The following SPTLC3 variants were observed in gnomAD, a reference collection of about 807,000 sequenced individuals.
The protein encoded by SPTLC3 is serine palmitoyltransferase 3.
In SPTLC3, 36 loss-of-function variants were observed where a neutral mutation model predicts 59.3. The observed-to-expected ratio is 0.61, with a 90% CI of 0.47 to 0.80. The LOEUF is 0.80. Among genes scored for constraint, SPTLC3 ranks in the 30% least tolerant of loss-of-function variants. The pLI, the probability that SPTLC3 is intolerant of heterozygous loss-of-function variation, is 0.00. For missense variants in SPTLC3, 625 were observed against 685.1 expected, an observed-to-expected ratio of 0.91 and a Z score of 0.98; for synonymous variants, 257 against 240.8, an observed-to-expected ratio of 1.07 and a Z score of -0.62.
chr20:13,020,567 C>T (rs1033934269), intron 1 of SPTLC3, among the ~76,000 whole-genome samples: 4 of 152,112 alleles, frequency 2.6e-5, no homozygotes, highest in South Asian at 2.1e-4. Context: ...CATTTTATTA[C>T]ATAATATATT....
At chr20:13,026,194 T>A (rs1362333848) in intron 1 of SPTLC3, among the ~76,000 whole-genome samples, 1 of 152,216 alleles carries the variant, frequency 6.6e-6, no homozygotes, top group Non-Finnish European at 1.5e-5. Context: ...AACATATATG[T>A]GCATGTTTCT....
Position 13,023,448 on chromosome 20 carries a change from T to A in SPTLC3, c.117+14064T>A, listed in dbSNP as rs117776055. On this transcript the variant is annotated intron_variant, in intron 1 of 11. Transcript: ENST00000399002. ...TCTAGTACCTAGACCAGAGCCTATA[T>A]GTAATAGGAGCTGAAAAATATTTAT... Among the ~76,000 whole-genome samples, 799 of 152,292 alleles carry A rather than the reference T, an allele frequency of 5.2e-3. 2 individuals carry two copies. Among genetic ancestry groups the A allele is most frequent in the Non-Finnish European group, 9.0e-3 (610 of 68,016 alleles).
At chr20:13,009,496 A>G in intron 1 of SPTLC3, 112 bp downstream of exon 1, 1 of 964,648 alleles carries the variant, frequency 1.0e-6, no homozygotes, top group Non-Finnish European at 1.6e-6. Context: ...AAGGGTTTTT[A>G]CATGTTTTGA....
chr20:13,077,935 C>A (rs770175486), intron 4 of SPTLC3, among the ~76,000 whole-genome samples: 24 of 151,854 alleles, frequency 1.6e-4, no homozygotes, highest in Non-Finnish European at 2.5e-4. Flanking sequence ...GAGGAGCCAC[C>A]AGCCCAAGCC....
intron 9 of SPTLC3, among the ~76,000 whole-genome samples, chr20:13,149,174 A>G (rs1421796835): frequency 6.6e-6 from 1 of 152,204 alleles, no homozygotes; most frequent in Non-Finnish European, 1.5e-5. Context: ...TCACTTATTT[A>G]TGTGAGTAGG....
chr20:13,076,309 C>A (rs564682839), intron 4 of SPTLC3, among the ~76,000 whole-genome samples: 1 of 152,232 alleles, frequency 6.6e-6, no homozygotes, highest in African/African-American at 2.4e-5. Context: ...TTCTGAAAGC[C>A]ATTTATTCTA....
chr20:13,121,027 A>T (rs1292779698), intron 8 of SPTLC3, among the ~76,000 whole-genome samples: 2 of 152,234 alleles, frequency 1.3e-5, no homozygotes, highest in Non-Finnish European at 2.9e-5. Context: ...CTTTGAAGGA[A>T]AGCCTAAGCT....
rs557136906 is a variant in SPTLC3, at chr20:13,169,085, A to G, written c.*4218A>G. 2.6e-5 allele frequency: 4 copies of G among 152,306 alleles called. No homozygotes were observed. The East Asian group carries it at 7.7e-4, about 29-fold the overall frequency. 9.4% of individuals were successfully genotyped at this position (152,306 alleles called of 1,614,324 possible). ...GTAAAATGTTAGTTTTAAAATAAATAAAAATAATATGAAAATAATTGATGG... is the reference window on the plus strand; with the variant it reads ...GTAAAATGTTAGTTTTAAAATAAATGAAAATAATATGAAAATAATTGATGG... On this transcript the variant is annotated 3_prime_UTR_variant, in exon 12 of 12. Transcript: ENST00000399002.
At chr20:13,086,628 T>C (rs1989012927) in intron 4 of SPTLC3, among the ~76,000 whole-genome samples, 1 of 152,190 alleles carries the variant, frequency 6.6e-6, no homozygotes, top group African/African-American at 2.4e-5. Context: ...CATCTGGTCA[T>C]AGAAATTGGT....
In SPTLC3 at chr20:13,154,079, C is replaced by A; in HGVS notation, c.1356C>A (p.Ile452=). The change falls in exon 10 of 12, where the codon ATC becomes ATA. Residue 452 remains isoleucine, a synonymous_variant. Transcript: ENST00000399002. ...GACTGCAGGAAATGGGATTCATTAT[C>A]TATGGCAATGAGAATGCTTCTGTTG... ...RQRLQEMGFI[I]YGNENASVVP... is the part of the protein sequence containing the mutation. 6.2e-7 allele frequency: 1 copy of A among 1,614,148 alleles called. No individual in the cohort carries two copies. The highest frequency in any genetic ancestry group is 8.5e-7 in the Non-Finnish European group (1 of 1,179,994).
At chr20:13,096,722 A>C (rs182410253) in intron 6 of SPTLC3, among the ~76,000 whole-genome samples, 1 of 152,238 alleles carries the variant, frequency 6.6e-6, no homozygotes, top group East Asian at 1.9e-4. Context: ...TTCTTATTTA[A>C]ATTCATCGAA....
At chr20:13,120,470 A>G (rs934107565) in intron 8 of SPTLC3, among the ~76,000 whole-genome samples, 2 of 152,206 alleles carry the variant, frequency 1.3e-5, no homozygotes, top group Non-Finnish European at 2.9e-5. Flanking sequence ...TTTGAAAATA[A>G]TCAGTTAGCT....
At chr20:13,102,688 A>G (rs1437823265) in intron 6 of SPTLC3, among the ~76,000 whole-genome samples, 1 of 152,162 alleles carries the variant, frequency 6.6e-6, no homozygotes, top group Non-Finnish European at 1.5e-5. Context: ...CTGGGCTCCT[A>G]CACTGTTCCC....
At chr20:13,163,367 C>CAAAAAAAAA (rs56217510) in intron 11 of SPTLC3, among the ~76,000 whole-genome samples, 2 of 90,086 alleles carry the variant, frequency 2.2e-5, no homozygotes, top group Non-Finnish European at 2.2e-5. Context: ...GACGCTGTCT[C>CAAAAAAAAA]AAAAAAAAAA....
At chr20:13,100,440 G>T (rs1279613461) in intron 6 of SPTLC3, among the ~76,000 whole-genome samples, 1 of 152,088 alleles carries the variant, frequency 6.6e-6, no homozygotes, top group Non-Finnish European at 1.5e-5. Context: ...TTCAAAACTG[G>T]GTACTAGAGC....
At chr20:13,053,626 G>C (rs577234923) in intron 2 of SPTLC3, among the ~76,000 whole-genome samples, 1 of 152,182 alleles carries the variant, frequency 6.6e-6, no homozygotes, top group Non-Finnish European at 1.5e-5. Context: ...CCAATGCAAG[G>C]AAGCTAAGAA....
intron 1 of SPTLC3, among the ~76,000 whole-genome samples, chr20:13,027,929 T>G (rs1986240350): frequency 6.6e-6 from 1 of 152,210 alleles, no homozygotes; most frequent in African/African-American, 2.4e-5. Flanking sequence ...TGATGTATAT[T>G]TCTTAGAATA....
intron 11 of SPTLC3, among the ~76,000 whole-genome samples, chr20:13,161,327 C>T (rs1189376636): frequency 2.6e-5 from 4 of 152,136 alleles, no homozygotes; most frequent in Admixed American, 1.3e-4. Flanking sequence ...CATGTTGAGA[C>T]TATGTGTCCA....
intron 4 of SPTLC3, among the ~76,000 whole-genome samples, chr20:13,090,611 G>A (rs545540136): frequency 2.6e-5 from 4 of 152,250 alleles, no homozygotes; most frequent in Non-Finnish European, 5.9e-5. Context: ...TCTCCACAAA[G>A]CAAACATACC....
Sources: allele counts gnomAD v4.1 joint callset (sites outside exome capture counted in the v4.1 genomes callset), GRCh38; gene constraint gnomAD v4.1.1; transcripts MANE v1.5; gene names NCBI Gene and HGNC (gene_info 2026-07-23, HGNC 2026-07-21).